The following SLC6A4 variants were observed in gnomAD, a reference collection of about 807,000 sequenced individuals.
SLC6A4 encodes the protein sodium-dependent serotonin transporter.
Under a neutral mutation model 73.4 loss-of-function variants are expected in SLC6A4, and 22 were observed. The observed-to-expected ratio is 0.30, with a 90% CI of 0.21 to 0.43. SLC6A4 has a LOEUF of 0.43. Ranked by LOEUF, SLC6A4 falls within the 20% of genes least tolerant of loss-of-function variation. The pLI is 1.00. For missense variants in SLC6A4, 593 were observed against 808.5 expected (o/e 0.73, Z 3.23); for synonymous variants, 270 against 315.5 (o/e 0.86, Z 1.53).
At chr17:30,214,793 C>T (rs1489534590) in intron 8 of SLC6A4, among the ~76,000 whole-genome samples, 4 of 151,606 alleles carry the variant, frequency 2.6e-5, no homozygotes, top group African/African-American at 4.8e-5. Context: ...CCACCACGCC[C>T]GGCTAATTTG....
At chr17:30,210,090 A>C (rs887505335) in intron 11 of SLC6A4, among the ~76,000 whole-genome samples, 21 of 152,148 alleles carry the variant, frequency 1.4e-4, no homozygotes, top group African/African-American at 5.1e-4. Flanking sequence ...AAAAAAAAAA[A>C]AAGGATCTCT....
intron 13 of SLC6A4, chr17:30,205,928 G>T (rs1292643829): frequency 6.6e-6 from 1 of 151,990 alleles, no homozygotes; most frequent in East Asian, 1.9e-4. Context: ...TTTGTTTTTT[G>T]TTTGTTTGTT....
intron 1 of SLC6A4, among the ~76,000 whole-genome samples, chr17:30,223,849 C>A (rs1156261779): frequency 6.6e-6 from 1 of 152,072 alleles, no homozygotes. Context: ...GCCTTGGCCT[C>A]CCCCCACTTC....
Position 30,211,466 on chromosome 17 carries a change from T to C in SLC6A4, c.1205-42A>G. 8.0e-7 allele frequency: 1 copy of C among 1,244,004 alleles called. No homozygotes were observed. The highest frequency in any genetic ancestry group is 1.2e-6 in the Non-Finnish European group (1 of 843,782). 77.1% of individuals were successfully genotyped at this position (1,244,004 alleles called of 1,614,324 possible). On this transcript the variant is annotated intron_variant, in intron 9 of 14. Transcript: ENST00000650711. The surrounding 1 kb of genome is among the most constrained non-coding windows in gnomAD (Gnocchi z 4.0). The stretch of plus-strand genomic sequence containing the variant: ...AGAGGAGGAGGTGGTTGACAAGACC[T>C]GTCCTACAAAGATGTCACAGAGGAA...
chr17:30,200,815 G>A (rs1404219203), intron 14 of SLC6A4, among the ~76,000 whole-genome samples: 2 of 152,134 alleles, frequency 1.3e-5, no homozygotes, highest in Non-Finnish European at 2.9e-5. Flanking sequence ...GTCTCGCTCT[G>A]TTGCCCAGGG....
intron 8 of SLC6A4, among the ~76,000 whole-genome samples, chr17:30,214,127 A>C (rs1906472725): frequency 6.6e-6 from 1 of 152,130 alleles, no homozygotes; most frequent in Non-Finnish European, 1.5e-5. Flanking sequence ...TTGTTGCAAA[A>C]ATTATGGCAT....
chr17:30,212,281 A>T (rs1299802726), intron 9 of SLC6A4, among the ~76,000 whole-genome samples: 1 of 152,210 alleles, frequency 6.6e-6, no homozygotes, highest in Non-Finnish European at 1.5e-5. Context: ...TTTCAAGCCC[A>T]TAGATTTTGG....
chr17:30,233,642 A>G (rs1313606863), intron 1 of SLC6A4, among the ~76,000 whole-genome samples: 1 of 152,188 alleles, frequency 6.6e-6, no homozygotes, highest in African/African-American at 2.4e-5. Flanking sequence ...ACAGCCCCTC[A>G]TTTAGAGCTG....
chr17:30,230,098 G>GAAGAAGAAGAAGAAGAAGAAGAAGAA (rs1555591454), intron 1 of SLC6A4, among the ~76,000 whole-genome samples: 15 of 89,616 alleles, frequency 1.7e-4, no homozygotes, highest in African/African-American at 5.4e-4. Context: ...AAGAAGAAGA[G>GAAGAAGAAGAAGAAGAAGAAGAAGAA]GAGGAAGAGG....
At chr17:30,218,036 C>T in intron 5 of SLC6A4, 82 bp downstream of exon 5, 1 of 1,079,426 alleles carries the variant, frequency 9.3e-7, no homozygotes. Flanking sequence ...GAGCCCTTGG[C>T]CCTGGCCTTC....
In SLC6A4 at chr17:30,211,364, A is replaced by G. The variant is rs752163355; in HGVS notation, c.1265T>C (p.Phe422Ser). The part of the protein sequence containing the change: ...EAIANMPAST[F>S]FAIIFFLMLI... ...CATCAGAAAGAAGATGATGGCAAAG[A>G]AAGTGGACGCTGGCATGTTGGCTAT... The change falls in exon 10 of 15, where the codon TTC becomes TCC. Residue 422 changes from phenylalanine to serine, a missense_variant. Physicochemically the swap from Phe to Ser is radical, Grantham distance 155. Transcript: ENST00000650711. This position sits in a 1 kb window ranked among gnomAD's most constrained non-coding sequence, Gnocchi z 4.0. 6.2e-7 allele frequency: 1 copy of G among 1,613,860 alleles called. No homozygotes were observed. The highest frequency in any genetic ancestry group is 2.2e-5 in the East Asian group (1 of 44,892).
intron 1 of SLC6A4, among the ~76,000 whole-genome samples, chr17:30,233,492 A>G (rs922458201): frequency 2.0e-5 from 3 of 152,154 alleles, no homozygotes; most frequent in African/African-American, 4.8e-5. Flanking sequence ...TTTGAAGGTG[A>G]TATCTGGGTA....
rs1184169108 is a variant in SLC6A4 at position 30,194,697 on chromosome 17, A to G, written c.*3759T>C. 1 of 152,206 alleles carries G rather than the reference A, an allele frequency of 6.6e-6. No individual in the cohort carries two copies. The highest frequency in any genetic ancestry group is 1.5e-5 in the Non-Finnish European group (1 of 68,034). 9.4% of individuals were successfully genotyped at this position (152,206 alleles called of 1,614,324 possible). A position where few individuals can be genotyped will look rare whatever the true frequency, so the allele number is the denominator to read the frequency against. On this transcript the variant is annotated 3_prime_UTR_variant, in exon 15 of 15. Coordinates refer to ENST00000650711, the MANE Select transcript of SLC6A4 (RefSeq NM_001045.6). ...ATTTAAAAAATTAGTAAATGCTCAT[A>G]TTTGTTTATGATATTTAAGCAAAAA...
chr17:30,220,005 GC>G (rs1261430751), intron 3 of SLC6A4, among the ~76,000 whole-genome samples: 1 of 152,126 alleles, frequency 6.6e-6, no homozygotes, highest in Admixed American at 6.5e-5. Flanking sequence ...CAGTGACCCA[GC>G]CCCTTACATA....
chr17:30,200,091 C>T (rs1225471615), intron 14 of SLC6A4, among the ~76,000 whole-genome samples: 2 of 152,202 alleles, frequency 1.3e-5, no homozygotes, highest in Non-Finnish European at 2.9e-5. Flanking sequence ...GTGGAGCTAT[C>T]ACCATAGCTC....
chr17:30,225,952 A>G (rs1202122494), intron 1 of SLC6A4, among the ~76,000 whole-genome samples: 1 of 152,198 alleles, frequency 6.6e-6, no homozygotes, highest in Non-Finnish European at 1.5e-5. Flanking sequence ...TATAGCCAGG[A>G]GCAACCCGTA....
Position 30,215,627 on chromosome 17 carries a change from T to C in SLC6A4, c.1060A>G (p.Asn354Asp). Residue 354 changes from asparagine to aspartate, a missense_variant, in exon 8 of 15, where the codon AAC (asparagine) becomes GAC (aspartate). Asn to Asp is a conservative substitution (Grantham distance 23, BLOSUM62 1). Transcript: ENST00000650711. ...GATACTCACTGGTAGCAGTTGTTGT[T>C]GAACTTGTTGTAGCTAGCAAAAGCC... ...LLAFASYNKF[N>D]NNCYQDALVT... The C allele has an allele frequency of 1.9e-6, 3 of 1,614,050 alleles. No homozygotes were observed. The highest frequency in any genetic ancestry group is 2.5e-6 in the Non-Finnish European group (3 of 1,179,874).
chr17:30,215,778 C>G (rs1251275599), intron 7 of SLC6A4, 64 bp from the exon 8 acceptor site: 7 of 1,423,950 alleles, frequency 4.9e-6, no homozygotes, highest in Non-Finnish European at 6.9e-6. Flanking sequence ...CTGGCACCAA[C>G]AGGGTCGCCA....
chr17:30,200,741 T>C (rs567883498), intron 14 of SLC6A4, among the ~76,000 whole-genome samples: 1 of 152,332 alleles, frequency 6.6e-6, no homozygotes, highest in Admixed American at 6.5e-5. Context: ...ATATTAAAGT[T>C]TTTTTGAGAA....
Sources: gnomAD v4.1 joint callset for allele counts (sites outside exome capture counted in the v4.1 genomes callset) on GRCh38, gnomAD v4.1.1 for gene constraint, Gnocchi (gnomAD v3.1) non-coding constraint, MANE v1.5 for transcripts, NCBI Gene and HGNC (gene_info 2026-07-23, HGNC 2026-07-21) for gene names.